Variants in AUTS2 observed in about 807,000 individuals in gnomAD.
The protein encoded by AUTS2 is autism susceptibility gene 2 protein.
In AUTS2, 17 loss-of-function variants were observed where a neutral mutation model predicts 112.4. The observed-to-expected ratio is 0.15, with a 90% CI of 0.10 to 0.23. The LOEUF (loss-of-function observed/expected upper bound fraction) is 0.23. AUTS2 is among the 10% of genes least tolerant of loss of function. The pLI is 1.00. For missense variants in AUTS2, 1,510 were observed against 1,701.6 expected, an observed-to-expected ratio of 0.89 and a Z score of 1.98; for synonymous variants, 751 against 702.7, an observed-to-expected ratio of 1.07 and a Z score of -1.09.
chr7:70,494,078 C>T (rs1798354399), intron 5 of AUTS2, among the ~76,000 whole-genome samples: 1 of 152,178 alleles, frequency 6.6e-6, no homozygotes, highest in Non-Finnish European at 1.5e-5. Flanking sequence ...AAATCGGCGT[C>T]CTCTTTGAAC....
At chr7:70,417,032 C>T (rs1385201659) in intron 4 of AUTS2, among the ~76,000 whole-genome samples, 1 of 152,284 alleles carries the variant, frequency 6.6e-6, no homozygotes, top group East Asian at 1.9e-4. Context: ...GGCCCCCAGT[C>T]TATCTTCTGT....
chr7:70,726,987 G>A (rs915981732), intron 6 of AUTS2, among the ~76,000 whole-genome samples: 1 of 152,172 alleles, frequency 6.6e-6, no homozygotes, highest in Non-Finnish European at 1.5e-5. Flanking sequence ...AGGTAGGTAG[G>A]CTTGTGTTTT....
chr7:70,546,086 T>A (rs767800212), intron 5 of AUTS2, among the ~76,000 whole-genome samples: 1 of 152,242 alleles, frequency 6.6e-6, no homozygotes. Context: ...GGGCATTATC[T>A]GCTTGGAAAA....
At chr7:70,176,525 T>C (rs1808996922) in intron 4 of AUTS2, among the ~76,000 whole-genome samples, 1 of 152,258 alleles carries the variant, frequency 6.6e-6, no homozygotes, top group Non-Finnish European at 1.5e-5. Flanking sequence ...AGTGCTAGTG[T>C]AAATGAAGTT....
intron 1 of AUTS2, among the ~76,000 whole-genome samples, chr7:69,621,777 C>T (rs148048917): frequency 7.2e-5 from 11 of 152,208 alleles, no homozygotes; most frequent in Non-Finnish European, 1.2e-4. Flanking sequence ...TGACCTCCTC[C>T]TGAGGATGTC....
At chr7:70,309,110 A>G (rs1040545674) in intron 4 of AUTS2, among the ~76,000 whole-genome samples, 3 of 152,224 alleles carry the variant, frequency 2.0e-5, no homozygotes, top group Non-Finnish European at 1.5e-5. Flanking sequence ...TTGTATTTCA[A>G]ATTGCCCTGT....
At chr7:69,936,659 G>A (rs753402078) in intron 2 of AUTS2, among the ~76,000 whole-genome samples, 17 of 152,212 alleles carry the variant, frequency 1.1e-4, no homozygotes, top group South Asian at 8.3e-4. Context: ...GGGACATACA[G>A]ATATTTTTTG....
intron 5 of AUTS2, among the ~76,000 whole-genome samples, chr7:70,581,958 GGTTTTGTTTCATTTT>G (rs1802468537): frequency 6.6e-6 from 1 of 151,520 alleles, no homozygotes; most frequent in Admixed American, 6.6e-5. Context: ...TGTATAGTAA[GGTTTTGTTTCATTTT>G]GTTTTGTTTT....
chr7:70,557,368 C>T (rs1008755705), intron 5 of AUTS2, among the ~76,000 whole-genome samples: 9 of 152,342 alleles, frequency 5.9e-5, no homozygotes, highest in Non-Finnish European at 1.2e-4. Flanking sequence ...CCAGTGCTCC[C>T]AGCTCCCAGC....
intron 1 of AUTS2, among the ~76,000 whole-genome samples, chr7:69,729,354 A>T (rs1786674153): frequency 6.6e-6 from 1 of 151,184 alleles, no homozygotes; most frequent in Non-Finnish European, 1.5e-5. Flanking sequence ...TTGTAGTGAG[A>T]GAAAACTTAT....
chr7:70,380,467 T>A (rs1793317290), intron 4 of AUTS2, among the ~76,000 whole-genome samples: 1 of 152,092 alleles, frequency 6.6e-6, no homozygotes, highest in African/African-American at 2.4e-5. Flanking sequence ...GCAAAAGCAG[T>A]CCCCCTTTCC....
intron 2 of AUTS2, among the ~76,000 whole-genome samples, chr7:69,980,507 C>T (rs1460556742): frequency 6.6e-6 from 1 of 151,884 alleles, no homozygotes; most frequent in African/African-American, 2.4e-5. Context: ...TATGTACATA[C>T]TTGTTATTTG....
chr7:70,616,802 C>T (rs1315678460), intron 5 of AUTS2, among the ~76,000 whole-genome samples: 1 of 141,454 alleles, frequency 7.1e-6, no homozygotes, highest in African/African-American at 2.6e-5. Flanking sequence ...GTTTTTAGGC[C>T]AAGCAGTAGG....
At chr7:70,660,609 A>G (rs956286805) in intron 5 of AUTS2, among the ~76,000 whole-genome samples, 1 of 152,162 alleles carries the variant, frequency 6.6e-6, no homozygotes, top group African/African-American at 2.4e-5. Flanking sequence ...AGTTCCTTCC[A>G]CCAGTGTCAA....
intron 2 of AUTS2, among the ~76,000 whole-genome samples, chr7:69,914,520 G>A (rs1285254283): frequency 1.3e-5 from 2 of 151,772 alleles, no homozygotes; most frequent in African/African-American, 2.4e-5. Flanking sequence ...CAACCCCTGC[G>A]CCCTGCGTGG....
rs201611903 is a variant in AUTS2, at chr7:70,234,218, A to G, written c.660+99647A>G. On this transcript the variant is annotated intron_variant, in intron 4 of 18. Transcript: ENST00000342771. ...ACATATATTAATATATTAATGTATTATATCATATTTATTTAGACCCCAGTA... is the reference window on the plus strand; with the variant it reads ...ACATATATTAATATATTAATGTATTGTATCATATTTATTTAGACCCCAGTA... 1.6e-4 allele frequency among the ~76,000 whole-genome samples: 25 copies of G among 152,308 alleles called. No homozygotes were observed. In the East Asian group the frequency reaches 4.4e-3, roughly 27 times the overall value.
chr7:70,715,356 G>A (rs75553252), intron 6 of AUTS2, among the ~76,000 whole-genome samples: 2,594 of 152,124 alleles, frequency 0.017, 66 homozygotes, highest in African/African-American at 0.06. Flanking sequence ...GAACAACATC[G>A]TCAAATGAGG....
chr7:70,782,670 G>A (rs953371202), intron 15 of AUTS2: 5 of 152,156 alleles, frequency 3.3e-5, no homozygotes, highest in African/African-American at 1.2e-4. Flanking sequence ...TACCCACTAT[G>A]CTAAGTAGAA....
At chr7:70,658,235 C>G (rs898200123) in intron 5 of AUTS2, among the ~76,000 whole-genome samples, 1 of 152,300 alleles carries the variant, frequency 6.6e-6, no homozygotes, top group Non-Finnish European at 1.5e-5. Flanking sequence ...CAGAATGTCT[C>G]AGCTTGCAGC....
Sources: allele counts gnomAD v4.1 joint callset (sites outside exome capture counted in the v4.1 genomes callset), GRCh38; gene constraint gnomAD v4.1.1; transcripts MANE v1.5; gene names NCBI Gene and HGNC (gene_info 2026-07-23, HGNC 2026-07-21).